ADAMTS3: variants seen among roughly 807,000 people sequenced by gnomAD.
ADAMTS3 encodes ADAM metallopeptidase with thrombospondin type 1 motif 3, also known as A disintegrin and metalloproteinase with thrombospondin motifs 3.
Under a neutral mutation model 129.0 loss-of-function variants are expected in ADAMTS3, and 73 were observed. The ratio of observed to expected loss-of-function variants is 0.57; its 90% CI spans 0.47 to 0.69. ADAMTS3 has a LOEUF of 0.69. ADAMTS3 is among the 30% of genes least tolerant of loss of function. The pLI is 0.00. For missense variants in ADAMTS3, 1,457 were observed against 1,514.5 expected (o/e 0.96, Z 0.63); for synonymous variants, 477 against 510.8 (o/e 0.93, Z 0.89).
intron 5 of ADAMTS3, among the ~76,000 whole-genome samples, chr4:72,326,319 G>C (rs1040348868): frequency 5.3e-5 from 8 of 152,050 alleles, no homozygotes; most frequent in Non-Finnish European, 8.8e-5. Context: ...GCTTAAAAAA[G>C]TTCCTCCATA....
chr4:72,404,709 A>C (rs939544208), intron 4 of ADAMTS3, among the ~76,000 whole-genome samples: 1 of 152,062 alleles, frequency 6.6e-6, no homozygotes, highest in African/African-American at 2.4e-5. Flanking sequence ...ACAGGGTGAA[A>C]AGGAAACCTA....
chr4:72,315,382 G>A (rs59130674), intron 11 of ADAMTS3, among the ~76,000 whole-genome samples: 8,223 of 152,238 alleles, frequency 0.054, 765 homozygotes, highest in African/African-American at 0.19. Flanking sequence ...CCTAAATGCT[G>A]TTACATGTAT....
intron 13 of ADAMTS3, among the ~76,000 whole-genome samples, chr4:72,311,872 A>G (rs193244148): frequency 6.6e-6 from 1 of 152,298 alleles, no homozygotes; most frequent in Admixed American, 6.5e-5. Context: ...GTAAAAGGTT[A>G]TAAGGTATCT....
intron 2 of ADAMTS3, among the ~76,000 whole-genome samples, chr4:72,567,094 T>C (rs560734401): frequency 6.6e-6 from 1 of 152,266 alleles, no homozygotes; most frequent in South Asian, 2.1e-4. Flanking sequence ...AGCCCCTCCA[T>C]CATCTTCCAA....
intron 3 of ADAMTS3, among the ~76,000 whole-genome samples, chr4:72,524,997 A>G (rs1460349705): frequency 6.6e-6 from 1 of 152,200 alleles, no homozygotes; most frequent in East Asian, 1.9e-4. Flanking sequence ...ACTGCTAATT[A>G]GAAATGTGTG....
chr4:72,563,663 C>T (rs999708751), intron 2 of ADAMTS3, among the ~76,000 whole-genome samples: 7 of 152,136 alleles, frequency 4.6e-5, no homozygotes, highest in Admixed American at 1.3e-4. Flanking sequence ...GCCTTGATAA[C>T]ATTGAATAAT....
At chr4:72,334,088 C>T (rs1037620202) in intron 5 of ADAMTS3, among the ~76,000 whole-genome samples, 2 of 151,762 alleles carry the variant, frequency 1.3e-5, no homozygotes, top group Non-Finnish European at 2.9e-5. Context: ...TTCATGACCT[C>T]GTGATCTGCC....
At chr4:72,456,383 A>ACT (rs1560522862) in intron 3 of ADAMTS3, among the ~76,000 whole-genome samples, 38 of 98,066 alleles carry the variant, frequency 3.9e-4, no homozygotes, top group Non-Finnish European at 4.3e-4. Context: ...TAGTATATAT[A>ACT]GTATATATAT....
intron 4 of ADAMTS3, among the ~76,000 whole-genome samples, chr4:72,383,909 A>G (rs923172642): frequency 1.3e-5 from 2 of 152,142 alleles, no homozygotes; most frequent in African/African-American, 2.4e-5. Flanking sequence ...AAATTCTTCA[A>G]TGATATAAAG....
intron 3 of ADAMTS3, among the ~76,000 whole-genome samples, chr4:72,467,687 G>A (rs1208203786): frequency 6.6e-6 from 1 of 152,006 alleles, no homozygotes; most frequent in African/African-American, 2.4e-5. Context: ...TACCTCCTCT[G>A]AAGGATCTTC....
intron 3 of ADAMTS3, among the ~76,000 whole-genome samples, chr4:72,449,132 C>G (rs1171186830): frequency 6.6e-6 from 1 of 151,634 alleles, no homozygotes; most frequent in Admixed American, 6.6e-5. Context: ...TGTGTGAAGA[C>G]TGTGCTCTGG....
chr4:72,347,032 A>G (rs954381759), intron 4 of ADAMTS3, among the ~76,000 whole-genome samples: 27 of 152,132 alleles, frequency 1.8e-4, no homozygotes, highest in African/African-American at 5.3e-4. Context: ...CTACTAGGAA[A>G]GAAAAGTTCT....
At chr4:72,381,341 G>A (rs918475064) in intron 4 of ADAMTS3, among the ~76,000 whole-genome samples, 6 of 152,140 alleles carry the variant, frequency 3.9e-5, no homozygotes, top group African/African-American at 1.4e-4. Context: ...ATCAATGAAT[G>A]CCAGATAGCC....
chr4:72,406,219 T>A (rs1317027114), intron 4 of ADAMTS3, among the ~76,000 whole-genome samples: 1 of 152,136 alleles, frequency 6.6e-6, no homozygotes, highest in Non-Finnish European at 1.5e-5. Context: ...ATAGTCAAGC[T>A]GGCAGTAAAT....
At chr4:72,523,183 A>C (rs1578759871) in intron 3 of ADAMTS3, among the ~76,000 whole-genome samples, 1 of 152,138 alleles carries the variant, frequency 6.6e-6, no homozygotes, top group East Asian at 1.9e-4. Flanking sequence ...TACAATCTAC[A>C]TTTGACATGT....
intron 4 of ADAMTS3, among the ~76,000 whole-genome samples, chr4:72,343,712 T>C (rs1434334474): frequency 6.6e-6 from 1 of 152,062 alleles, no homozygotes; most frequent in African/African-American, 2.4e-5. Context: ...AAAATCCAGG[T>C]TACAGAGAGC....
chr4:72,360,445 G>A (rs2109854383), intron 4 of ADAMTS3, among the ~76,000 whole-genome samples: 1 of 151,964 alleles, frequency 6.6e-6, no homozygotes, highest in East Asian at 1.9e-4. Context: ...CTGCTTGACT[G>A]GGCAAAATAG....
intron 4 of ADAMTS3, among the ~76,000 whole-genome samples, chr4:72,356,783 A>G (rs999434534): frequency 2.0e-5 from 3 of 151,836 alleles, no homozygotes; most frequent in South Asian, 2.1e-4. Flanking sequence ...AATAGTTTCT[A>G]TGTTTATAAA....
In ADAMTS3 at chr4:72,387,294, C is replaced by G. The variant is rs375948027; in HGVS notation, c.661+27521G>C. 1.2e-4 allele frequency among the ~76,000 whole-genome samples: 19 copies of G among 152,282 alleles called. No homozygotes were observed. The East Asian group carries it at 3.1e-3, about 25-fold the overall frequency. ...CAGTCACATTTTACAAATCATGAAA[C>G]AGATGTCCACAGAGATTTGGTCTCT... is the stretch of plus-strand genomic sequence containing the variant. On this transcript the variant is annotated intron_variant, in intron 4 of 21. Transcript: ENST00000286657.
Sources: gnomAD v4.1 joint callset for allele counts (sites outside exome capture counted in the v4.1 genomes callset) on GRCh38, gnomAD v4.1.1 for gene constraint, MANE v1.5 for transcripts, NCBI Gene and HGNC (gene_info 2026-07-23, HGNC 2026-07-21) for gene names.